Variants in ZNF226 observed in about 807,000 individuals in gnomAD.
ZNF226 encodes the protein zinc finger protein 226.
ZNF226 carries 6 observed loss-of-function variants against 11.4 expected under a neutral mutation model. The ratio of observed to expected loss-of-function variants is 0.53; its 90% confidence interval spans 0.29 to 1.04. ZNF226 has a LOEUF of 1.04. Ranked by LOEUF, ZNF226 falls within the 50% of genes least tolerant of loss-of-function variation. The pLI is 0.08. For missense variants in ZNF226, 1,058 were observed against 956.5 expected (o/e 1.11, Z -1.40); for synonymous variants, 350 against 322.8 (o/e 1.08, Z -0.90).
At position 44,176,864 on chromosome 19, in the gene ZNF226, G is replaced by T; in HGVS notation, c.1602G>T (p.Glu534Asp). 1.2e-6 allele frequency: 2 copies of T among 1,613,888 alleles called. No homozygotes were observed. The highest frequency in any genetic ancestry group is 4.5e-5 in the East Asian group (2 of 44,834). ...CAGGAGAGAAACCCTATAAATGTGA[G>T]ATATGTGGGAAGGGCTTCAGTCAAA... is the stretch of plus-strand genomic sequence containing the variant. ...VHTGEKPYKC[E>D]ICGKGFSQSS... Residue 534 changes from glutamate to aspartate, a missense_variant, in exon 6 of 6, where the codon GAG (glutamate) becomes GAT (aspartate). Physicochemically the swap from Glu to Asp is conservative, Grantham distance 45 (BLOSUM62 2). Coordinates refer to ENST00000337433, the MANE Select transcript of ZNF226 (RefSeq NM_001032373.2).
chr19:44,183,570 A>G, the ZNF226 span, among the ~76,000 whole-genome samples: 11 of 152,224 alleles, frequency 7.2e-5, no homozygotes, highest in Admixed American at 5.9e-4. Flanking sequence ...TTATGGTTCT[A>G]TCACATCCTG....
At chr19:44,177,705 C>A (rs769416856), downstream of ZNF226, 22 of 1,536,202 alleles carry the variant, frequency 1.4e-5, no homozygotes, top group Non-Finnish European at 1.8e-5. Flanking sequence ...CATTTGAATT[C>A]TTCCAGTTAT....
the ZNF226 span, among the ~76,000 whole-genome samples, chr19:44,191,253 C>T: frequency 6.6e-6 from 1 of 152,102 alleles, no homozygotes; most frequent in African/African-American, 2.4e-5. Context: ...CTATGGATGT[C>T]AAAGACTTAG....
Position 44,172,933 on chromosome 19 carries a change from C to T in ZNF226, c.216C>T (p.Thr72=). ...NEQLWIMTTA[T]RRQGNLGEKN... ...AGCTTTGGATAATGACGACAGCAAC[C>T]CGAAGACAGGGAAATTTAGGTAAAA... The change falls in exon 5 of 6, where the codon ACC becomes ACT. Residue 72 remains threonine, a synonymous_variant. Coordinates refer to ENST00000337433, the MANE Select transcript of ZNF226 (RefSeq NM_001032373.2). 2 of 1,602,180 alleles carry T rather than the reference C, an allele frequency of 1.2e-6. No individual in the cohort carries two copies. Among genetic ancestry groups the T allele is most frequent in the Non-Finnish European group, 8.5e-7 (1 of 1,174,208 alleles).
the ZNF226 span, among the ~76,000 whole-genome samples, chr19:44,195,971 G>T: frequency 6.6e-6 from 1 of 152,130 alleles, no homozygotes; most frequent in Admixed American, 6.5e-5. Flanking sequence ...GGCTGTGGTG[G>T]CCCCAAAGGA....
the ZNF226 span, among the ~76,000 whole-genome samples, chr19:44,188,320 A>G: frequency 2.0e-5 from 3 of 152,166 alleles, no homozygotes; most frequent in African/African-American, 7.2e-5. Context: ...GTGCATATAT[A>G]TTTACGTAGC....
chr19:44,190,411 G>C, the ZNF226 span, among the ~76,000 whole-genome samples: 1 of 152,068 alleles, frequency 6.6e-6, no homozygotes, highest in African/African-American at 2.4e-5. Flanking sequence ...TCGGCTCACT[G>C]CAAGCTCCGC....
At chr19:44,185,884 A>T in the ZNF226 span, among the ~76,000 whole-genome samples, 2 of 152,124 alleles carry the variant, frequency 1.3e-5, no homozygotes, top group African/African-American at 4.8e-5. Context: ...GGATTTTAAC[A>T]GTTTTAGGTC....
the ZNF226 span, among the ~76,000 whole-genome samples, chr19:44,186,214 A>AT: frequency 3.4e-3 from 518 of 151,514 alleles, 1 homozygote; most frequent in African/African-American, 0.012. Flanking sequence ...AAATTTTAGA[A>AT]TTTTTTTTTC....
chr19:44,198,126 A>T, the ZNF226 span, among the ~76,000 whole-genome samples: 1 of 152,222 alleles, frequency 6.6e-6, no homozygotes, highest in Admixed American at 6.5e-5. Context: ...GACTAGATAT[A>T]TGTAAATCTG....
chr19:44,186,161 A>G, the ZNF226 span, among the ~76,000 whole-genome samples: 15 of 152,106 alleles, frequency 9.9e-5, no homozygotes, highest in South Asian at 3.1e-3. Context: ...CTTTTGAAGT[A>G]TGTTTTGAAA....
At chr19:44,197,496 A>G in the ZNF226 span, among the ~76,000 whole-genome samples, 1 of 152,160 alleles carries the variant, frequency 6.6e-6, no homozygotes, top group Non-Finnish European at 1.5e-5. Flanking sequence ...AGGGGTTGGG[A>G]CATATTGGTC....
downstream of ZNF226, chr19:44,177,797 A>G: frequency 8.9e-7 from 1 of 1,124,142 alleles, no homozygotes; most frequent in Non-Finnish European, 1.2e-6. Context: ...TATGATTAGC[A>G]TAGCAAGGGC....
At chr19:44,198,415 T>A in the ZNF226 span, among the ~76,000 whole-genome samples, 2 of 152,204 alleles carry the variant, frequency 1.3e-5, no homozygotes, top group African/African-American at 2.4e-5. Context: ...TTGTCCAGTA[T>A]CTGAATAGCA....
At position 44,173,979 on chromosome 19, in the gene ZNF226, A is replaced by G. The variant is rs536418417; in HGVS notation, c.235+1027A>G. On this transcript the variant is annotated intron_variant, in intron 5 of 5. Coordinates refer to ENST00000337433, the MANE Select transcript of ZNF226 (RefSeq NM_001032373.2). ...TCAGTGCTTAGAATAGTCCTAGTAT[A>G]TGGCAGAGACACTATAAATATTAGT... 1.7e-4 allele frequency: 26 copies of G among 152,380 alleles called. No homozygotes were observed. In the East Asian group the frequency reaches 2.3e-3, roughly 14 times the overall value. The allele number at this position is 152,380 out of a possible 1,614,324, so 9.4% of individuals were successfully genotyped here.
the ZNF226 span, among the ~76,000 whole-genome samples, chr19:44,190,404 G>T: frequency 2.0e-5 from 3 of 152,022 alleles, no homozygotes; most frequent in Admixed American, 2.0e-4. Flanking sequence ...CGCGATCTCG[G>T]CTCACTGCAA....
At chr19:44,195,951 T>C in the ZNF226 span, among the ~76,000 whole-genome samples, 1 of 152,192 alleles carries the variant, frequency 6.6e-6, no homozygotes, top group African/African-American at 2.4e-5. Flanking sequence ...GCTGGCACAC[T>C]ACAGCCTCAG....
chr19:44,177,956 A>G (rs1599741747), downstream of ZNF226: 1 of 288,694 alleles, frequency 3.5e-6, no homozygotes, highest in East Asian at 6.6e-5. Context: ...AAAGACAGAA[A>G]CTTTGTTCAC....
Position 44,177,620 on chromosome 19 carries a change from TA to T in ZNF226, c.2359del (p.Arg787GlyfsTer16). ...HVGDKSYKSN[R>X]GGKNIRESTQ... The stretch of plus-strand genomic sequence containing the variant: ...TTGGTGATAAATCCTATAAAAGTAA[TA>T]GGGGTGGTAAGAACATCAGAGAATC... On this transcript the variant is annotated frameshift_variant, in exon 6 of 6. Coordinates refer to ENST00000337433, the MANE Select transcript of ZNF226 (RefSeq NM_001032373.2). LOFTEE classifies it low-confidence loss of function (END_TRUNC). 1 of 1,612,634 alleles carries T rather than the reference TA, an allele frequency of 6.2e-7. No homozygotes were observed. Among genetic ancestry groups the T allele is most frequent in the Non-Finnish European group, 8.5e-7 (1 of 1,179,406 alleles).
Sources: gnomAD v4.1 joint callset for allele counts (sites outside exome capture counted in the v4.1 genomes callset) on GRCh38, gnomAD v4.1.1 for gene constraint, MANE v1.5 for transcripts, NCBI Gene and HGNC (gene_info 2026-07-23, HGNC 2026-07-21) for gene names.